The following RBFOX1 variants were observed in gnomAD, a reference collection of about 807,000 sequenced individuals.
The protein encoded by RBFOX1 is RNA binding protein fox-1 homolog 1.
Under a neutral mutation model 57.7 loss-of-function variants are expected in RBFOX1, and 8 were observed. The observed-to-expected ratio is 0.14, with a 90% confidence interval of 0.08 to 0.25. The LOEUF (loss-of-function observed/expected upper bound fraction) is 0.25, where lower values mean the gene tolerates loss of function less well. Ranked by LOEUF, RBFOX1 falls within the 10% of genes least tolerant of loss-of-function variation. The pLI is 1.00. For missense variants in RBFOX1, 611 were observed against 548.5 expected (o/e 1.11, Z -1.14); for synonymous variants, 326 against 222.4 (o/e 1.47, Z -4.15).
At chr16:5,918,084 G>A (rs1031354881) in intron 4 of RBFOX1, among the ~76,000 whole-genome samples, 4 of 152,092 alleles carry the variant, frequency 2.6e-5, no homozygotes, top group African/African-American at 9.7e-5. Context: ...GCAACAGCCT[G>A]CAGTTCTCTT....
chr16:5,774,013 G>C (rs888205744), intron 3 of RBFOX1, among the ~76,000 whole-genome samples: 1 of 152,012 alleles, frequency 6.6e-6, no homozygotes, highest in Admixed American at 6.6e-5. Context: ...TCTTTTAATC[G>C]ATACTGCCCA....
chr16:7,236,650 T>G (rs2093782019), intron 4 of RBFOX1, among the ~76,000 whole-genome samples: 1 of 152,210 alleles, frequency 6.6e-6, no homozygotes, highest in Non-Finnish European at 1.5e-5. Flanking sequence ...CTATGTGGCT[T>G]TTAGTAGTTG....
At chr16:6,271,841 G>A (rs1002056380) in intron 1 of RBFOX1, among the ~76,000 whole-genome samples, 2 of 152,166 alleles carry the variant, frequency 1.3e-5, no homozygotes, top group Admixed American at 1.3e-4. Flanking sequence ...CAGATCAGGA[G>A]GTTTTTGTTA....
chr16:6,611,406 C>G (rs989350338), intron 2 of RBFOX1, among the ~76,000 whole-genome samples: 1 of 152,208 alleles, frequency 6.6e-6, no homozygotes, highest in Non-Finnish European at 1.5e-5. Flanking sequence ...CTCAGCCTCC[C>G]AAAGTGCTGG....
chr16:6,126,451 G>A (rs1359020224), intron 1 of RBFOX1, among the ~76,000 whole-genome samples: 4 of 152,080 alleles, frequency 2.6e-5, no homozygotes, highest in Non-Finnish European at 4.4e-5. Context: ...CTGTGAAGTA[G>A]ATACTTCCAG....
intron 3 of RBFOX1, among the ~76,000 whole-genome samples, chr16:6,658,783 C>T (rs1384715241): frequency 6.6e-6 from 1 of 152,002 alleles, no homozygotes; most frequent in South Asian, 2.1e-4. Context: ...TTAGCAGAGC[C>T]CCTATGAATG....
chr16:7,048,092 T>C (rs1409815835), intron 3 of RBFOX1, among the ~76,000 whole-genome samples: 1 of 152,146 alleles, frequency 6.6e-6, no homozygotes, highest in African/African-American at 2.4e-5. Context: ...TTGGCCAGGC[T>C]GGTCTCAAAT....
chr16:7,391,998 C>G (rs1289069375), intron 4 of RBFOX1, among the ~76,000 whole-genome samples: 1 of 152,194 alleles, frequency 6.6e-6, no homozygotes, highest in Non-Finnish European at 1.5e-5. Context: ...CTCTCTCTGT[C>G]TTCCTTCCCC....
chr16:6,734,762 C>G (rs978743973), intron 3 of RBFOX1, among the ~76,000 whole-genome samples: 3 of 152,112 alleles, frequency 2.0e-5, no homozygotes, highest in Non-Finnish European at 2.9e-5. Context: ...CCTATCCAAT[C>G]AGGACAATAT....
intron 2 of RBFOX1, among the ~76,000 whole-genome samples, chr16:6,362,467 A>C (rs1422244240): frequency 6.6e-6 from 1 of 152,322 alleles, no homozygotes; most frequent in East Asian, 1.9e-4. Context: ...AAATTTGTCC[A>C]ATATGAGGCC....
At chr16:5,637,855 C>G (rs1419257471) in intron 3 of RBFOX1, among the ~76,000 whole-genome samples, 1 of 152,156 alleles carries the variant, frequency 6.6e-6, no homozygotes, top group African/African-American at 2.4e-5. Context: ...AGGGGCCTCT[C>G]CTACCGCCTT....
intron 3 of RBFOX1, chr16:5,610,605 G>GGTTGAGGCAGGAGGTCA: frequency 6.6e-6 from 1 of 152,180 alleles, no homozygotes; most frequent in Non-Finnish European, 1.5e-5. Flanking sequence ...GCAGGAGGTC[G>GGTTGAGGCAGGAGGTCA]GTTGAGGCAG....
At chr16:7,073,452 C>A (rs1351553737) in intron 4 of RBFOX1, among the ~76,000 whole-genome samples, 1 of 152,106 alleles carries the variant, frequency 6.6e-6, no homozygotes, top group Non-Finnish European at 1.5e-5. Flanking sequence ...AACTCAACCA[C>A]CATTTAAAGA....
At chr16:6,781,647 C>T (rs147804748) in intron 3 of RBFOX1, among the ~76,000 whole-genome samples, 14 of 152,028 alleles carry the variant, frequency 9.2e-5, no homozygotes, top group African/African-American at 2.4e-4. Flanking sequence ...ATGTTTCAAT[C>T]TTTGTAGTTT....
chr16:6,797,903 C>G (rs181250064), intron 3 of RBFOX1, among the ~76,000 whole-genome samples: 17 of 152,180 alleles, frequency 1.1e-4, no homozygotes, highest in Non-Finnish European at 1.5e-5. Flanking sequence ...TGGAAAGGTA[C>G]TTAAACTTTC....
At chr16:7,019,966 C>A (rs1439640083) in intron 3 of RBFOX1, among the ~76,000 whole-genome samples, 1 of 151,408 alleles carries the variant, frequency 6.6e-6, no homozygotes, top group Admixed American at 6.6e-5. Flanking sequence ...TATTCCCTTT[C>A]TTCTGGCTCT....
At chr16:6,080,728 T>C (rs1285562424) in intron 1 of RBFOX1, among the ~76,000 whole-genome samples, 1 of 152,214 alleles carries the variant, frequency 6.6e-6, no homozygotes, top group African/African-American at 2.4e-5. Context: ...AGAGAAATAC[T>C]ATTAAAAGAA....
At chr16:5,301,455 T>A (rs1436939552) in intron 1 of RBFOX1, among the ~76,000 whole-genome samples, 1 of 151,666 alleles carries the variant, frequency 6.6e-6, no homozygotes, top group African/African-American at 2.4e-5. Flanking sequence ...CCATCTCTAC[T>A]AAAAACACAA....
rs151140985 is a variant in RBFOX1, at chr16:6,851,951, G to C, written c.-16+197301G>C. ...GTTTTTTTTTTTTTTCTTTTTTTGAGATGGAGGTTCGTCGCCCAGGCTGGA... is the reference window on the plus strand; with the variant it reads ...GTTTTTTTTTTTTTTCTTTTTTTGACATGGAGGTTCGTCGCCCAGGCTGGA... On this transcript the variant is annotated intron_variant, in intron 3 of 15. Transcript: ENST00000550418. 5.3e-3 allele frequency among the ~76,000 whole-genome samples: 786 copies of C among 148,346 alleles called. 5 individuals are homozygous for C. Among genetic ancestry groups the C allele is most frequent in the African/African-American group, 0.018 (708 of 40,330 alleles).
Sources: allele counts gnomAD v4.1 joint callset (sites outside exome capture counted in the v4.1 genomes callset), GRCh38; gene constraint gnomAD v4.1.1; transcripts MANE v1.5; gene names NCBI Gene and HGNC (gene_info 2026-07-23, HGNC 2026-07-21).